SLC25A26: variants seen among roughly 807,000 people sequenced by gnomAD.
SLC25A26 encodes the protein mitochondrial S-adenosylmethionine carrier protein.
SLC25A26 carries 36 observed loss-of-function variants against 37.8 expected under a neutral mutation model. The ratio of observed to expected loss-of-function variants is 0.95; its 90% CI spans 0.73 to 1.26. SLC25A26 has a LOEUF of 1.26. SLC25A26 is among the 50% of genes most tolerant of loss of function. SLC25A26 has a pLI of 0.00. For missense variants in SLC25A26, 390 were observed against 331.1 expected, an observed-to-expected ratio of 1.18 and a Z score of -1.38; for synonymous variants, 129 against 122.5, an observed-to-expected ratio of 1.05 and a Z score of -0.35.
intron 1 of SLC25A26, among the ~76,000 whole-genome samples, chr3:66,190,871 T>C (rs1206333867): frequency 9.9e-5 from 15 of 152,244 alleles, no homozygotes; most frequent in African/African-American, 3.6e-4. Context: ...TTTTCACATA[T>C]ATAGCATAGG....
At chr3:66,339,074 G>GTATACC (rs1257759081) in intron 5 of SLC25A26, among the ~76,000 whole-genome samples, 5 of 151,994 alleles carry the variant, frequency 3.3e-5, no homozygotes, top group African/African-American at 1.2e-4. Context: ...TATTTTGGCT[G>GTATACC]TATACCCGGG....
chr3:66,376,074 A>T (rs1700633355), intron 9 of SLC25A26, among the ~76,000 whole-genome samples: 1 of 149,572 alleles, frequency 6.7e-6, no homozygotes, highest in Non-Finnish European at 1.5e-5. Flanking sequence ...TGGAAATGGC[A>T]AGACCACCGT....
intron 1 of SLC25A26, among the ~76,000 whole-genome samples, chr3:66,233,805 A>G (rs183859648): frequency 6.6e-6 from 1 of 152,216 alleles, no homozygotes; most frequent in Non-Finnish European, 1.5e-5. Context: ...CCAGACAAGT[A>G]AATTGAATCT....
intron 1 of SLC25A26, among the ~76,000 whole-genome samples, chr3:66,164,134 C>A (rs1030973201): frequency 2.0e-5 from 3 of 152,120 alleles, no homozygotes; most frequent in African/African-American, 7.2e-5. Flanking sequence ...ATCAACAGGA[C>A]CTTTGCTCTC....
At chr3:66,199,306 G>A (rs2071082257) in intron 1 of SLC25A26, among the ~76,000 whole-genome samples, 1 of 151,766 alleles carries the variant, frequency 6.6e-6, no homozygotes, top group East Asian at 1.9e-4. Flanking sequence ...ACCTCATGTT[G>A]ACACTGAAAC....
At chr3:66,301,444 G>A (rs569712424) in intron 5 of SLC25A26, among the ~76,000 whole-genome samples, 1 of 152,188 alleles carries the variant, frequency 6.6e-6, no homozygotes, top group Non-Finnish European at 1.5e-5. Flanking sequence ...CAACCAATTC[G>A]TCTATGCCTT....
At chr3:66,350,868 C>T (rs2076437930) in intron 6 of SLC25A26, among the ~76,000 whole-genome samples, 1 of 152,116 alleles carries the variant, frequency 6.6e-6, no homozygotes, top group South Asian at 2.1e-4. Flanking sequence ...TGATGCATCA[C>T]TCAAATCTCA....
chr3:66,346,833 G>A (rs1359475282), intron 6 of SLC25A26, among the ~76,000 whole-genome samples: 1 of 151,710 alleles, frequency 6.6e-6, no homozygotes, highest in African/African-American at 2.4e-5. Flanking sequence ...CTTGAAGACT[G>A]AGAAGGACCA....
At chr3:66,247,128 T>C (rs897045734) in intron 3 of SLC25A26, among the ~76,000 whole-genome samples, 1 of 152,060 alleles carries the variant, frequency 6.6e-6, no homozygotes, top group African/African-American at 2.4e-5. Context: ...CCTCCTAAAG[T>C]GCTGGGATTA....
intron 1 of SLC25A26, among the ~76,000 whole-genome samples, chr3:66,227,825 A>G (rs2071827651): frequency 6.6e-6 from 1 of 152,130 alleles, no homozygotes; most frequent in Non-Finnish European, 1.5e-5. Context: ...GTGGGTTATG[A>G]TGGCAGGGGT....
At chr3:66,342,705 A>G (rs777622089) in intron 5 of SLC25A26, among the ~76,000 whole-genome samples, 1 of 152,082 alleles carries the variant, frequency 6.6e-6, no homozygotes, top group Non-Finnish European at 1.5e-5. Flanking sequence ...CCACACCCAG[A>G]TTTCATTTTA....
intron 6 of SLC25A26, among the ~76,000 whole-genome samples, chr3:66,353,687 C>T (rs542904731): frequency 6.6e-6 from 1 of 152,318 alleles, no homozygotes; most frequent in Non-Finnish European, 1.5e-5. Context: ...ATTTCTTAGA[C>T]CACCTCTCCC....
At chr3:66,352,785 C>G (rs904619374) in intron 6 of SLC25A26, among the ~76,000 whole-genome samples, 2 of 151,966 alleles carry the variant, frequency 1.3e-5, no homozygotes, top group Non-Finnish European at 2.9e-5. Context: ...ATCCCCCTTC[C>G]CCATACCTCT....
At chr3:66,331,216 G>A (rs181838606) in intron 5 of SLC25A26, among the ~76,000 whole-genome samples, 32 of 151,688 alleles carry the variant, frequency 2.1e-4, no homozygotes, top group Admixed American at 1.8e-3. Flanking sequence ...TCCTTTTCCC[G>A]TGTTTCCACC....
chr3:66,269,106 A>C (rs185742825), intron 5 of SLC25A26, among the ~76,000 whole-genome samples: 6 of 152,204 alleles, frequency 3.9e-5, no homozygotes, highest in Non-Finnish European at 8.8e-5. Flanking sequence ...ATCTGAGTCC[A>C]GGTTTGCCCA....
At chr3:66,208,824 C>A (rs1397638572) in intron 1 of SLC25A26, among the ~76,000 whole-genome samples, 10 of 83,354 alleles carry the variant, frequency 1.2e-4, no homozygotes, top group Non-Finnish European at 1.6e-4. Flanking sequence ...ATATATATAC[C>A]TTTATATGGG....
chr3:66,191,897 A>C (rs1000779247), intron 1 of SLC25A26, among the ~76,000 whole-genome samples: 2 of 151,518 alleles, frequency 1.3e-5, no homozygotes, highest in Non-Finnish European at 2.9e-5. Flanking sequence ...ACAGAGCAAG[A>C]CTCTGTCTCA....
At chr3:66,211,900 A>T (rs915079599) in intron 1 of SLC25A26, among the ~76,000 whole-genome samples, 2 of 152,198 alleles carry the variant, frequency 1.3e-5, no homozygotes, top group African/African-American at 2.4e-5. Context: ...TACATGAGCA[A>T]CCATCACTAC....
chr3:66,320,766 A>G lies in SLC25A26; in HGVS notation c.454-25598A>G, dbSNP rs913815659. Among the ~76,000 whole-genome samples, 13 of 152,318 alleles carry G rather than the reference A, an allele frequency of 8.5e-5. No homozygotes were observed. The East Asian group carries it at 2.5e-3, about 29-fold the overall frequency. On this transcript the variant is annotated intron_variant, in intron 5 of 9. Transcript: ENST00000354883. ...ATTTTGTTTTTTCTCTTTAAATTATAGTCATACTAATAGGTGTGAAATGGT... is the reference window on the plus strand; with the variant it reads ...ATTTTGTTTTTTCTCTTTAAATTATGGTCATACTAATAGGTGTGAAATGGT...
Sources: allele counts gnomAD v4.1 joint callset (sites outside exome capture counted in the v4.1 genomes callset), GRCh38; gene constraint gnomAD v4.1.1; transcripts MANE v1.5; gene names NCBI Gene and HGNC (gene_info 2026-07-23, HGNC 2026-07-21).